Variants in PPP3CC observed in about 807,000 individuals in gnomAD.
PPP3CC encodes protein phosphatase 3 catalytic subunit gamma, also known as serine/threonine-protein phosphatase 2B catalytic subunit gamma isoform.
A neutral mutation model predicts 60.3 loss-of-function variants in PPP3CC; 35 were observed. The ratio of observed to expected loss-of-function variants is 0.58; its 90% CI spans 0.44 to 0.77. The LOEUF (loss-of-function observed/expected upper bound fraction) is 0.77. Ranked by LOEUF, PPP3CC falls within the 30% of genes least tolerant of loss-of-function variation. PPP3CC has a pLI of 0.00. For missense variants in PPP3CC, 570 were observed against 628.9 expected (o/e 0.91, Z 1.00); for synonymous variants, 206 against 224.3 (o/e 0.92, Z 0.73).
Position 22,540,755 on chromosome 8 carries a change from T to A in PPP3CC, c.1492T>A (p.Ser498Thr). Reference sequence around the variant, plus strand: ...AATGAAATCTGTAACCTCAGCACACTCACATGCTGCGCACAGGAGCGACCA... The same window carrying A: ...AATGAAATCTGTAACCTCAGCACACACACATGCTGCGCACAGGAGCGACCA... Reference protein sequence around the residue: ...GPMKSVTSAHSHAAHRSDQGK... With the variant: ...GPMKSVTSAHTHAAHRSDQGK... Residue 498 changes from serine (S) to threonine (T), a missense_variant, in exon 14 of 14, where the codon TCA (serine) becomes ACA (threonine). Coordinates refer to ENST00000240139, the MANE Select transcript of PPP3CC (RefSeq NM_005605.5). The A allele has an allele frequency of 6.2e-7, 1 of 1,613,888 alleles. No homozygotes were observed. Among genetic ancestry groups the A allele is most frequent in the South Asian group, 1.1e-5 (1 of 91,052 alleles).
intron 1 of PPP3CC, among the ~76,000 whole-genome samples, chr8:22,460,953 C>T (rs1455844115): frequency 1.3e-5 from 2 of 152,234 alleles, no homozygotes; most frequent in East Asian, 3.9e-4. Flanking sequence ...TCAAGTGATT[C>T]TCCTGCCTTA....
chr8:22,490,262 CAG>C (rs1187894840), intron 3 of PPP3CC, among the ~76,000 whole-genome samples: 1 of 152,092 alleles, frequency 6.6e-6, no homozygotes, highest in East Asian at 1.9e-4. Context: ...CTTGTGCAAA[CAG>C]AGGTTGCAGG....
At chr8:22,486,670 A>G (rs1489557811) in intron 3 of PPP3CC, among the ~76,000 whole-genome samples, 1 of 151,618 alleles carries the variant, frequency 6.6e-6, no homozygotes, top group Non-Finnish European at 1.5e-5. Flanking sequence ...CTTGGTGAAG[A>G]TGTTGAACTA....
At chr8:22,481,307 C>T (rs929893872) in intron 3 of PPP3CC, among the ~76,000 whole-genome samples, 1 of 151,312 alleles carries the variant, frequency 6.6e-6, no homozygotes, top group Non-Finnish European at 1.5e-5. Context: ...TGCACTGCAG[C>T]CTGGGCAACA....
chr8:22,450,880 G>C (rs1436433575), intron 1 of PPP3CC, among the ~76,000 whole-genome samples: 1 of 150,746 alleles, frequency 6.6e-6, no homozygotes, highest in African/African-American at 2.4e-5. Flanking sequence ...CTGTCACCCA[G>C]GCTAGAGTGC....
chr8:22,523,672 C>G (rs1563777550), intron 8 of PPP3CC: 1 of 454,774 alleles, frequency 2.2e-6, no homozygotes, highest in Non-Finnish European at 4.4e-6. Context: ...TGATTATCCT[C>G]AATGATGGGA....
chr8:22,505,304 C>T (rs932003026), intron 4 of PPP3CC, among the ~76,000 whole-genome samples: 1 of 151,984 alleles, frequency 6.6e-6, no homozygotes, highest in African/African-American at 2.4e-5. Flanking sequence ...GGATTACAGG[C>T]GTGAGCCACC....
intron 5 of PPP3CC, among the ~76,000 whole-genome samples, chr8:22,512,514 C>T (rs1409999023): frequency 6.6e-6 from 1 of 151,844 alleles, no homozygotes; most frequent in Non-Finnish European, 1.5e-5. Context: ...GGATAAATGC[C>T]CTTACAAAAT....
chr8:22,455,394 A>G lies in PPP3CC; in HGVS notation c.49+13936A>G, dbSNP rs372774059. 5.0e-4 allele frequency among the ~76,000 whole-genome samples: 76 copies of G among 152,340 alleles called. 2 individuals are homozygous for G. Among genetic ancestry groups the G allele is most frequent in the African/African-American group, 1.7e-3 (71 of 41,584 alleles). ...TGTGAAATGTTTGTTCCCTTGATCTATAAATTGATAATCCTTTAATGTTTA... is the reference window on the plus strand; with the variant it reads ...TGTGAAATGTTTGTTCCCTTGATCTGTAAATTGATAATCCTTTAATGTTTA... On this transcript the variant is annotated intron_variant, in intron 1 of 13. Coordinates refer to ENST00000240139, the MANE Select transcript of PPP3CC (RefSeq NM_005605.5).
chr8:22,495,920 G>T (rs1838565379), intron 3 of PPP3CC, among the ~76,000 whole-genome samples: 1 of 152,102 alleles, frequency 6.6e-6, no homozygotes, highest in Admixed American at 6.5e-5. Flanking sequence ...TGGATTTTTA[G>T]TCATTAGTTA....
At chr8:22,494,480 A>G (rs888697934) in intron 3 of PPP3CC, among the ~76,000 whole-genome samples, 2 of 152,232 alleles carry the variant, frequency 1.3e-5, no homozygotes, top group Non-Finnish European at 2.9e-5. Context: ...AAACCATATC[A>G]GCCTCTCAGT....
At chr8:22,487,397 G>A (rs1346062910) in intron 3 of PPP3CC, among the ~76,000 whole-genome samples, 4 of 152,150 alleles carry the variant, frequency 2.6e-5, no homozygotes, top group Non-Finnish European at 5.9e-5. Flanking sequence ...GCCAAGGAGG[G>A]TGGGTCACCT....
intron 7 of PPP3CC, 42 bp from the exon 8 acceptor site, chr8:22,522,613 G>C: frequency 6.3e-7 from 1 of 1,592,384 alleles, no homozygotes; most frequent in Non-Finnish European, 8.6e-7. Context: ...CAGAGTCTTT[G>C]CATTTAATAT....
intron 1 of PPP3CC, among the ~76,000 whole-genome samples, chr8:22,449,943 T>G (rs1405149384): frequency 6.6e-6 from 1 of 150,984 alleles, no homozygotes; most frequent in Non-Finnish European, 1.5e-5. Flanking sequence ...CTCGGCTCAC[T>G]GCAACCTCTG....
At chr8:22,520,154 C>T (rs1839367313) in intron 6 of PPP3CC, among the ~76,000 whole-genome samples, 1 of 152,046 alleles carries the variant, frequency 6.6e-6, no homozygotes, top group Non-Finnish European at 1.5e-5. Context: ...TTATCTCCCG[C>T]TTTCCTGGCC....
chr8:22,466,213 C>A (rs929190547), intron 1 of PPP3CC, among the ~76,000 whole-genome samples: 1 of 152,146 alleles, frequency 6.6e-6, no homozygotes, highest in Admixed American at 6.5e-5. Context: ...ATATGTGCCA[C>A]GTTTTCTTTA....
At chr8:22,452,723 T>C (rs1367937693) in intron 1 of PPP3CC, among the ~76,000 whole-genome samples, 1 of 152,230 alleles carries the variant, frequency 6.6e-6, no homozygotes, top group Non-Finnish European at 1.5e-5. Context: ...TGCATTTCTT[T>C]ATGTGTAGAA....
intron 1 of PPP3CC, among the ~76,000 whole-genome samples, chr8:22,453,569 T>C (rs886850397): frequency 1.3e-5 from 2 of 152,320 alleles, no homozygotes; most frequent in South Asian, 2.1e-4. Context: ...GATGGGGTTT[T>C]GCAGCCTGTG....
chr8:22,488,261 A>G (rs765896693), intron 3 of PPP3CC, among the ~76,000 whole-genome samples: 4 of 152,210 alleles, frequency 2.6e-5, no homozygotes, highest in South Asian at 2.1e-4. Flanking sequence ...TATCTTGGTA[A>G]TGAAATTTAA....
Sources: allele counts gnomAD v4.1 joint callset (sites outside exome capture counted in the v4.1 genomes callset), GRCh38; gene constraint gnomAD v4.1.1; transcripts MANE v1.5; gene names NCBI Gene and HGNC (gene_info 2026-07-23, HGNC 2026-07-21).